Variants in DOK7 observed in about 807,000 individuals in gnomAD.
DOK7 encodes protein Dok-7.
In DOK7, 32 loss-of-function variants were observed where a neutral mutation model predicts 30.7. The observed-to-expected ratio is 1.04, with a 90% CI of 0.79 to 1.40. The LOEUF (loss-of-function observed/expected upper bound fraction) is 1.40, where lower values mean the gene tolerates loss of function less well. Ranked by LOEUF, DOK7 falls within the 40% of genes most tolerant of loss-of-function variation. The probability of loss-of-function intolerance (pLI) is 0.00; values close to 1 mark genes in which losing one functional copy is unlikely to be tolerated. For missense variants in DOK7, 1,007 were observed against 699.2 expected (o/e 1.44, Z -4.97); for synonymous variants, 447 against 324.1 (o/e 1.38, Z -4.07).
Position 3,492,839 on chromosome 4 carries a change from C to G in DOK7, c.853C>G (p.Pro285Ala). ...VSASSRLTAW[P>A]EQSSSSASTS... is the part of the protein sequence containing the mutation. Reference sequence around the variant, plus strand: ...CGCCAGCAGCCGGCTCACCGCATGGCCAGAGCAATCCTCGTCGTCAGCCAG... The same window carrying G: ...CGCCAGCAGCCGGCTCACCGCATGGGCAGAGCAATCCTCGTCGTCAGCCAG... Residue 285 changes from proline (P) to alanine (A), a missense_variant, in exon 7 of 7, where the codon CCA becomes GCA. Coordinates refer to ENST00000340083, the MANE Select transcript of DOK7 (RefSeq NM_173660.5). 6.2e-7 allele frequency: 1 copy of G among 1,612,172 alleles called. No homozygotes were observed. The highest frequency in any genetic ancestry group is 8.5e-7 in the Non-Finnish European group (1 of 1,179,784).
At chr4:3,475,402 CA>C (rs1727001268) in intron 3 of DOK7, among the ~76,000 whole-genome samples, 1 of 152,126 alleles carries the variant, frequency 6.6e-6, no homozygotes, top group Non-Finnish European at 1.5e-5. Context: ...GGGATGGGAA[CA>C]GGGGTCCCTT....
At chr4:3,478,171 G>C (rs529796464) in intron 4 of DOK7, among the ~76,000 whole-genome samples, 38 of 152,180 alleles carry the variant, frequency 2.5e-4, no homozygotes, top group African/African-American at 9.2e-4. Flanking sequence ...GTGGCGCCGC[G>C]TGCTCACCCT....
exon 7 of DOK7, chr4:3,500,266 T>A: frequency 6.5e-7 from 1 of 1,535,772 alleles, no homozygotes; most frequent in Non-Finnish European, 8.7e-7. Context: ...CCAGGACCCG[T>A]GGCTGTGGAC....
chr4:3,466,558 A>T (rs1334897738), intron 2 of DOK7, among the ~76,000 whole-genome samples: 1 of 152,014 alleles, frequency 6.6e-6, no homozygotes, highest in Admixed American at 6.5e-5. Context: ...CGGGCTGAAG[A>T]CCGGGCGTGG....
rs148650015 is a variant in DOK7 at position 3,485,602 on chromosome 4, T to C, written c.596T>C (p.Ile199Thr). 6.2e-7 allele frequency: 1 copy of C among 1,607,926 alleles called. No homozygotes were observed. Among genetic ancestry groups the C allele is most frequent in the South Asian group, 1.1e-5 (1 of 90,256 alleles). ...CAGATCAGCTTCCTGTTCGACTGCA[T>C]CGTCCGAGGCATCTCCCCCACCAAG... ...GEQISFLFDC[I>T]VRGISPTKGP... is the part of the protein sequence containing the mutation. Residue 199 changes from isoleucine to threonine, a missense_variant, in exon 5 of 7, where the codon ATC (isoleucine) becomes ACC (threonine). Physicochemically the swap from Ile to Thr is moderately conservative, Grantham distance 89. Transcript: ENST00000340083.
chr4:3,486,994 C>A (rs148891268), intron 5 of DOK7, among the ~76,000 whole-genome samples: 108 of 152,182 alleles, frequency 7.1e-4, no homozygotes, highest in African/African-American at 2.5e-3. Context: ...CTGGGACAGC[C>A]ACTAGATGGG....
chr4:3,467,968 C>G (rs1350180047), intron 2 of DOK7, among the ~76,000 whole-genome samples: 1 of 152,330 alleles, frequency 6.6e-6, no homozygotes, highest in East Asian at 1.9e-4. Flanking sequence ...TCATCGCATC[C>G]CAAAGGCCCC....
intron 6 of DOK7, 67 bp from the exon 7 acceptor site, chr4:3,492,692 G>GC: frequency 6.3e-7 from 1 of 1,597,980 alleles, no homozygotes; most frequent in Non-Finnish European, 8.5e-7. Context: ...GGTCCACCAG[G>GC]CATCAGCCAC....
At chr4:3,499,055 G>A (rs1729063838), downstream of DOK7, among the ~76,000 whole-genome samples, 1 of 152,246 alleles carries the variant, frequency 6.6e-6, no homozygotes, top group Non-Finnish European at 1.5e-5. Flanking sequence ...ACGGGGACAA[G>A]GGTGAGAGGA....
At chr4:3,492,226 G>C (rs1172547571) in intron 6 of DOK7, among the ~76,000 whole-genome samples, 1 of 152,106 alleles carries the variant, frequency 6.6e-6, no homozygotes, top group Admixed American at 6.5e-5. Context: ...GGGAGACTGG[G>C]AGTGAGGCAA....
Position 3,494,448 on chromosome 4 carries a change from TTGTAATAGAC to T in DOK7, c.*950_*959del, listed in dbSNP as rs1728782044. ...AGCTGTTTCTAAACCCAGACACTGT[TTGTAATAGAC>T]TGGAAATAAAATGTTCTTTCCTTAC... On this transcript the variant is annotated 3_prime_UTR_variant, in exon 7 of 7. Coordinates refer to ENST00000340083, the MANE Select transcript of DOK7 (RefSeq NM_173660.5). The T allele has an allele frequency of 2.0e-5, 20 of 978,808 alleles. No homozygotes were observed. Among genetic ancestry groups the T allele is most frequent in the Non-Finnish European group, 2.3e-5 (19 of 829,232 alleles). 60.6% of individuals were successfully genotyped at this position (978,808 alleles called of 1,614,324 possible). A position where few individuals can be genotyped will look rare whatever the true frequency, so the allele number is the denominator to read the frequency against.
intron 6 of DOK7, among the ~76,000 whole-genome samples, chr4:3,490,720 C>A (rs1331488120): frequency 1.1e-5 from 1 of 93,208 alleles, no homozygotes; most frequent in Non-Finnish European, 2.0e-5. Flanking sequence ...TCCTTCATTT[C>A]CCCCCACTCA....
At chr4:3,484,282 G>A (rs1313963750) in intron 4 of DOK7, among the ~76,000 whole-genome samples, 5 of 152,206 alleles carry the variant, frequency 3.3e-5, no homozygotes, top group Admixed American at 6.5e-5. Context: ...GGCCGGCAGC[G>A]TCGCCACGTG....
intron 6 of DOK7, among the ~76,000 whole-genome samples, chr4:3,490,780 G>A (rs193143147): frequency 1.7e-4 from 6 of 35,732 alleles, no homozygotes; most frequent in Non-Finnish European, 2.5e-4. Context: ...CTTCTCCCCC[G>A]GCTCATTCAT....
chr4:3,490,733 C>G (rs531553149), intron 6 of DOK7, among the ~76,000 whole-genome samples: 1 of 102,300 alleles, frequency 9.8e-6, no homozygotes, highest in Non-Finnish European at 1.9e-5. Context: ...CCCACTCATT[C>G]CTTCCTTCCT....
At chr4:3,466,713 C>G (rs998637857) in intron 2 of DOK7, among the ~76,000 whole-genome samples, 7 of 152,208 alleles carry the variant, frequency 4.6e-5, no homozygotes, top group Non-Finnish European at 1.0e-4. Flanking sequence ...CGGCTCATTC[C>G]CCGCCTGCGT....
chr4:3,466,998 G>T (rs1246357073), intron 2 of DOK7, among the ~76,000 whole-genome samples: 1 of 152,204 alleles, frequency 6.6e-6, no homozygotes, highest in Non-Finnish European at 1.5e-5. Flanking sequence ...AGGCCGGCCT[G>T]GTCGATGGCC....
chr4:3,464,447 C>T (rs1049109332), intron 2 of DOK7, among the ~76,000 whole-genome samples: 9 of 152,242 alleles, frequency 5.9e-5, no homozygotes, highest in African/African-American at 2.2e-4. Context: ...CTCCACTCAG[C>T]CCTCCGTGCC....
At chr4:3,484,923 G>A (rs1727670784) in intron 4 of DOK7, 1 of 974,954 alleles carries the variant, frequency 1.0e-6, no homozygotes, top group Non-Finnish European at 1.2e-6. Flanking sequence ...TCACATGGCA[G>A]CCTTCCTGGG....
Sources: allele counts gnomAD v4.1 joint callset (sites outside exome capture counted in the v4.1 genomes callset), GRCh38; gene constraint gnomAD v4.1.1; transcripts MANE v1.5; gene names NCBI Gene and HGNC (gene_info 2026-07-23, HGNC 2026-07-21).